WIPF2: variants seen among roughly 807,000 people sequenced by gnomAD.
WIPF2 encodes WAS/WASL-interacting protein family member 2.
In WIPF2, 23 loss-of-function variants were observed where a neutral mutation model predicts 38.8. The ratio of observed to expected loss-of-function variants is 0.59; its 90% confidence interval spans 0.43 to 0.84. The LOEUF (loss-of-function observed/expected upper bound fraction) is 0.84, where lower values mean the gene tolerates loss of function less well. Among genes scored for constraint, WIPF2 ranks in the 40% least tolerant of loss-of-function variants. The pLI is 0.00. For missense variants in WIPF2, 574 were observed against 580.5 expected, an observed-to-expected ratio of 0.99 and a Z score of 0.11; for synonymous variants, 210 against 223.2, an observed-to-expected ratio of 0.94 and a Z score of 0.53.
intron 1 of WIPF2, among the ~76,000 whole-genome samples, chr17:40,243,759 G>C (rs1178460510): frequency 6.6e-6 from 1 of 151,810 alleles, no homozygotes; most frequent in Non-Finnish European, 1.5e-5. Flanking sequence ...GACCTCGGGT[G>C]ATCCACCCAC....
At chr17:40,225,002 G>GATAT (rs1363046716) in intron 1 of WIPF2, among the ~76,000 whole-genome samples, 2 of 151,990 alleles carry the variant, frequency 1.3e-5, no homozygotes, top group African/African-American at 4.8e-5. Context: ...GTGTCTTGAG[G>GATAT]GATATGCCCC....
At chr17:40,231,684 A>G (rs1262221456) in intron 1 of WIPF2, among the ~76,000 whole-genome samples, 2 of 151,988 alleles carry the variant, frequency 1.3e-5, no homozygotes, top group East Asian at 1.9e-4. Flanking sequence ...TGGCGCCTCA[A>G]AGTGCTGGGA....
chr17:40,268,760 A>G lies in WIPF2; in HGVS notation c.970+3614A>G, dbSNP rs572248664. Among the ~76,000 whole-genome samples the G allele has an allele frequency of 2.6e-5, 4 of 152,296 alleles. No individual in the cohort carries two copies. The South Asian group carries it at 8.3e-4, about 32-fold the overall frequency. ...CAGCAATTCTTAAGAGTGATAAACC[A>G]GAAAAAAATTGAGATATTTTAGTCA... On this transcript the variant is annotated intron_variant, in intron 5 of 7. Coordinates refer to ENST00000323571, the MANE Select transcript of WIPF2 (RefSeq NM_133264.5).
Position 40,273,876 on chromosome 17 carries a change from C to A in WIPF2, c.1057C>A (p.Pro353Thr). Residue 353 changes from proline (P) to threonine (T), a missense_variant, in exon 6 of 8, where the codon CCC (proline) becomes ACC (threonine). By Grantham distance (38) the Pro-to-Thr change is conservative. Transcript: ENST00000323571. Reference protein sequence around the residue: ...PPPYRMHGSEPPSRGKPPPPP... With the variant: ...PPPYRMHGSETPSRGKPPPPP... ...ACCATACCGAATGCATGGGTCAGAA[C>A]CCCCGAGCCGAGGAAAGCCCCCACC... The A allele has an allele frequency of 1.3e-6, 2 of 1,548,716 alleles. No homozygotes were observed. The highest frequency in any genetic ancestry group is 1.8e-6 in the Non-Finnish European group (2 of 1,138,110).
At chr17:40,223,630 C>T (rs1287252311) in intron 1 of WIPF2, among the ~76,000 whole-genome samples, 4 of 127,024 alleles carry the variant, frequency 3.1e-5, no homozygotes, top group Admixed American at 8.4e-5. Flanking sequence ...GACGGAGTCT[C>T]GCTCAGTTGC....
chr17:40,256,509 C>T lies in WIPF2; in HGVS notation c.50C>T (p.Pro17Leu), dbSNP rs940024110. 1.0e-5 allele frequency: 16 copies of T among 1,607,890 alleles called. No homozygotes were observed. The highest frequency in any genetic ancestry group is 1.3e-5 in the Non-Finnish European group (15 of 1,177,578). Residue 17 changes from proline (P) to leucine (L), a missense_variant, in exon 2 of 8, where the codon CCC becomes CTC. Pro to Leu is a moderately conservative substitution (Grantham distance 98). Coordinates refer to ENST00000323571, the MANE Select transcript of WIPF2 (RefSeq NM_133264.5). ...CCCCCACCTGGTCCTCCTCCACCTC[C>T]CACATTTCATCAGGTAGGTAGTCCT... ...PPPPPGPPPP[P>L]TFHQANTEQP... is the part of the protein sequence containing the mutation.
chr17:40,230,452 A>G (rs890535982), intron 1 of WIPF2, among the ~76,000 whole-genome samples: 2 of 152,070 alleles, frequency 1.3e-5, no homozygotes, highest in Non-Finnish European at 2.9e-5. Context: ...TGAGACCATC[A>G]GTGTCATAAA....
At chr17:40,226,375 A>AT (rs532034847) in intron 1 of WIPF2, among the ~76,000 whole-genome samples, 2,367 of 141,400 alleles carry the variant, frequency 0.017, 31 homozygotes, top group Non-Finnish European at 0.025. Context: ...GGCTAATTTA[A>AT]TTTTTTTTTT....
intron 6 of WIPF2, among the ~76,000 whole-genome samples, chr17:40,276,730 T>C (rs1273087699): frequency 1.3e-5 from 2 of 151,870 alleles, no homozygotes; most frequent in East Asian, 3.9e-4. Flanking sequence ...CTGGCCAAGA[T>C]GGTGAAACCC....
chr17:40,243,772 C>T (rs1221768563), intron 1 of WIPF2, among the ~76,000 whole-genome samples: 1 of 152,032 alleles, frequency 6.6e-6, no homozygotes. Flanking sequence ...CCACCCACCT[C>T]CACCTCCCAA....
chr17:40,263,329 G>T (rs1444884082), intron 4 of WIPF2, among the ~76,000 whole-genome samples: 1 of 151,876 alleles, frequency 6.6e-6, no homozygotes, highest in Admixed American at 6.6e-5. Flanking sequence ...AATGGGGTTC[G>T]CCCTCCTATG....
At position 40,278,513 on chromosome 17, in the gene WIPF2, C is replaced by A; in HGVS notation, c.*288C>A. 1 of 438,602 alleles carries A rather than the reference C, an allele frequency of 2.3e-6. No individual in the cohort carries two copies. The highest frequency in any genetic ancestry group is 4.1e-6 in the Non-Finnish European group (1 of 242,162). 27.2% of individuals were successfully genotyped at this position (438,602 alleles called of 1,614,324 possible). On this transcript the variant is annotated 3_prime_UTR_variant, in exon 8 of 8. Transcript: ENST00000323571. ...ACAAGTTTCCGTGTCTTCTGCCTTC[C>A]TCTTGGGGAAAGGTGCCTTGTTGTG... is the stretch of plus-strand genomic sequence containing the variant.
At chr17:40,277,331 G>A (rs1310091325) in intron 7 of WIPF2, 147 bp downstream of exon 7, 4 of 604,716 alleles carry the variant, frequency 6.6e-6, no homozygotes, top group South Asian at 2.2e-5. Context: ...GGTGGATCAC[G>A]AGGTCAGGAA....
chr17:40,219,397 G>GCGGCGGCGA lies in WIPF2; in HGVS notation c.-163_-162insGCGGCGACG, dbSNP rs1555557768. 3.4e-5 allele frequency: 14 copies of GCGGCGGCGA among 415,272 alleles called. 1 individual carries two copies. The highest frequency in any genetic ancestry group is 2.3e-4 in the African/African-American group (10 of 44,436). 25.7% of individuals were successfully genotyped at this position (415,272 alleles called of 1,614,324 possible). A position where few individuals can be genotyped will look rare whatever the true frequency, so the allele number is the denominator to read the frequency against. ...GGCGGCGGCGGCGGCGGCGGCGGCG[G>GCGGCGGCGA]CGACGGCGAGAAAGAGCTTGCCGGG... On this transcript the variant is annotated 5_prime_UTR_variant, in exon 1 of 8. Transcript: ENST00000323571.
intron 5 of WIPF2, 44 bp downstream of exon 5, chr17:40,265,190 G>A (rs750935220): frequency 6.5e-7 from 1 of 1,536,636 alleles, no homozygotes; most frequent in East Asian, 2.3e-5. Flanking sequence ...GCTGTGAGTT[G>A]ATTTTATCTT....
At chr17:40,252,478 A>G (rs1412808220) in intron 1 of WIPF2, among the ~76,000 whole-genome samples, 1 of 152,130 alleles carries the variant, frequency 6.6e-6, no homozygotes, top group African/African-American at 2.4e-5. Flanking sequence ...AGCCTGGCTA[A>G]CTTGGTGAAA....
At chr17:40,246,640 G>A (rs1269550450) in intron 1 of WIPF2, among the ~76,000 whole-genome samples, 2 of 151,520 alleles carry the variant, frequency 1.3e-5, no homozygotes, top group African/African-American at 4.9e-5. Context: ...CAAATGATCC[G>A]CCTGCCTTAG....
chr17:40,270,882 T>TTGTGTGTGTGTGTGTG (rs373553389), intron 5 of WIPF2, among the ~76,000 whole-genome samples: 14,680 of 150,354 alleles, frequency 0.098, 808 homozygotes, highest in East Asian at 0.26. Context: ...TTGTGCCAGA[T>TTGTGTGTGTGTGTGTG]TGTGTGTGTG....
At chr17:40,244,564 ATGAGAT>A (rs1319863396) in intron 1 of WIPF2, among the ~76,000 whole-genome samples, 5 of 152,186 alleles carry the variant, frequency 3.3e-5, no homozygotes, top group Non-Finnish European at 5.9e-5. Flanking sequence ...TGTGGGATTA[ATGAGAT>A]AACCGATCGA....
Sources: gnomAD v4.1 joint callset for allele counts (sites outside exome capture counted in the v4.1 genomes callset) on GRCh38, gnomAD v4.1.1 for gene constraint, MANE v1.5 for transcripts, NCBI Gene and HGNC (gene_info 2026-07-23, HGNC 2026-07-21) for gene names.